Variants in FBRSL1 observed in about 807,000 individuals in gnomAD.
The protein encoded by FBRSL1 is fibrosin-1-like protein.
Under a neutral mutation model 89.6 loss-of-function variants are expected in FBRSL1, and 51 were observed. That is an observed-to-expected ratio of 0.57 (90% CI 0.45 to 0.72). FBRSL1 has a LOEUF of 0.72. Ranked by LOEUF, FBRSL1 falls within the 30% of genes least tolerant of loss-of-function variation. The pLI is 0.00. For synonymous variants in FBRSL1, 779 were observed against 681.1 expected, an observed-to-expected ratio of 1.14 and a Z score of -2.24; for missense variants, 1,618 against 1,451.8, an observed-to-expected ratio of 1.11 and a Z score of -1.86.
intron 5 of FBRSL1, among the ~76,000 whole-genome samples, chr12:132,548,425 A>G (rs1167622719): frequency 6.6e-6 from 1 of 152,178 alleles, no homozygotes; most frequent in Non-Finnish European, 1.5e-5. Flanking sequence ...GGCAGAGCCC[A>G]GCCCCCACCC....
At chr12:132,533,759 A>G (rs11146917) in intron 4 of FBRSL1, among the ~76,000 whole-genome samples, 114,674 of 152,258 alleles carry the variant, frequency 0.75, 43,817 homozygotes, top group African/African-American at 0.9. Flanking sequence ...GCTCCATGCC[A>G]GGCACTGGGT....
At position 132,570,176 on chromosome 12, in the gene FBRSL1, G is replaced by A. The variant is rs1411069089; in HGVS notation, c.942G>A (p.Val314=). The change falls in exon 7 of 19, where the codon GTG becomes GTA. Residue 314 remains valine (V), a synonymous_variant. Coordinates refer to ENST00000680143, the MANE Select transcript of FBRSL1 (RefSeq NM_001367871.1). The part of the protein sequence containing the change: ...PQPRGLLPTH[V]PASLGAFAGH... ...CCCGCGGCCTGCTCCCGACACACGT[G>A]CCTGCATCCCTGGGCGCCTTCGCGG... 2 of 1,505,452 alleles carry A rather than the reference G, an allele frequency of 1.3e-6. No homozygotes were observed. The highest frequency in any genetic ancestry group is 2.1e-5 in the Admixed American group (1 of 46,696). 93.3% of individuals were successfully genotyped at this position (1,505,452 alleles called of 1,614,324 possible).
intron 5 of FBRSL1, chr12:132,560,311 G>A (rs1374910908): frequency 1.3e-5 from 2 of 152,040 alleles, no homozygotes; most frequent in African/African-American, 4.8e-5. Flanking sequence ...CCCCCCAGAA[G>A]AGCGGGACGC....
Position 132,574,545 on chromosome 12 carries a change from G to A in FBRSL1, c.1682G>A (p.Arg561His), listed in dbSNP as rs1000726587. Residue 561 changes from arginine (R) to histidine (H), a missense_variant, in exon 14 of 19, where the codon CGT (arginine) becomes CAT (histidine). Physicochemically the swap from Arg to His is conservative, Grantham distance 29. Coordinates refer to ENST00000680143, the MANE Select transcript of FBRSL1 (RefSeq NM_001367871.1). Reference sequence around the variant, plus strand: ...GTGCAGATCGCCTGGCAGATCTACCGTCACCAGCAGAAGATAAAGGTGAGA... The same window carrying A: ...GTGCAGATCGCCTGGCAGATCTACCATCACCAGCAGAAGATAAAGGTGAGA... ...VHVQIAWQIYRHQQKIKEMQL... is the reference protein window; with the variant it reads ...VHVQIAWQIYHHQQKIKEMQL... 2.4e-5 allele frequency: 37 copies of A among 1,549,960 alleles called. No individual in the cohort carries two copies. The highest frequency in any genetic ancestry group is 3.3e-4 in the Middle Eastern group (2 of 6,012).
intron 2 of FBRSL1, among the ~76,000 whole-genome samples, chr12:132,513,718 G>C (rs1566123134): frequency 6.6e-6 from 1 of 152,184 alleles, no homozygotes; most frequent in Non-Finnish European, 1.5e-5. Flanking sequence ...TTGTTGTTGG[G>C]GGAGGAGAAG....
chr12:132,576,649 C>T (rs2040401441), intron 14 of FBRSL1, 150 bp from the exon 15 acceptor site: 1 of 880,668 alleles, frequency 1.1e-6, no homozygotes. Flanking sequence ...TTCCGTCATC[C>T]TGAGTAGAGA....
At chr12:132,536,477 C>T (rs970456947) in intron 4 of FBRSL1, among the ~76,000 whole-genome samples, 2 of 147,592 alleles carry the variant, frequency 1.4e-5, no homozygotes, top group East Asian at 4.1e-4. Flanking sequence ...TGTGTGAATG[C>T]ACATGTACAT....
chr12:132,516,944 C>T (rs1448958403), intron 2 of FBRSL1, among the ~76,000 whole-genome samples: 2 of 152,222 alleles, frequency 1.3e-5, no homozygotes, highest in African/African-American at 4.8e-5. Flanking sequence ...TTTGTACTGT[C>T]TACATAGCTG....
At chr12:132,573,624 T>C (rs6560886) in intron 11 of FBRSL1, among the ~76,000 whole-genome samples, 130,772 of 152,178 alleles carry the variant, frequency 0.86, 56,446 homozygotes, top group East Asian at 0.97. Context: ...CTGGGCAGGG[T>C]GGTAGCCCAG....
chr12:132,517,374 C>T (rs1034721742), intron 2 of FBRSL1, among the ~76,000 whole-genome samples: 3 of 152,212 alleles, frequency 2.0e-5, no homozygotes, highest in Admixed American at 1.3e-4. Flanking sequence ...GCTAGCCGTT[C>T]CGGGGCGAGC....
intron 18 of FBRSL1, among the ~76,000 whole-genome samples, chr12:132,582,733 G>A (rs1389986387): frequency 1.3e-5 from 2 of 152,110 alleles, no homozygotes; most frequent in Non-Finnish European, 2.9e-5. Context: ...GTGGGGAGCC[G>A]AAGTCGCTGC....
rs569801208 is a variant in FBRSL1, at chr12:132,567,593, G to T, written c.691+67G>T. The T allele has an allele frequency of 2.0e-6, 3 of 1,469,250 alleles. No homozygotes were observed. The South Asian group carries it at 3.6e-5, about 18-fold the overall frequency. The allele number at this position is 1,469,250 out of a possible 1,614,324, so 91.0% of individuals were successfully genotyped here. ...GACACAATGCGCCCTGCGTCTTGGC[G>T]GCAGGACATCCCCCTGAAGTCAGGG... On this transcript the variant is annotated intron_variant, in intron 6 of 18. Coordinates refer to ENST00000680143, the MANE Select transcript of FBRSL1 (RefSeq NM_001367871.1).
intron 3 of FBRSL1, among the ~76,000 whole-genome samples, chr12:132,526,887 T>G (rs1169969645): frequency 1.3e-5 from 2 of 152,084 alleles, no homozygotes; most frequent in Admixed American, 6.5e-5. Context: ...GCCCTGGTGG[T>G]CTGAGTGTGT....
chr12:132,576,691 C>T, intron 14 of FBRSL1, 108 bp from the exon 15 acceptor site: 1 of 1,279,270 alleles, frequency 7.8e-7, no homozygotes, highest in Non-Finnish European at 1.1e-6. Context: ...CACCTGCTCC[C>T]CTTACTGGAC....
chr12:132,505,050 C>A (rs11610623), intron 1 of FBRSL1, among the ~76,000 whole-genome samples: 1 of 152,052 alleles, frequency 6.6e-6, no homozygotes, highest in African/African-American at 2.4e-5. Context: ...TGCTTAAACC[C>A]GGGATGCAGA....
At position 132,517,979 on chromosome 12, in the gene FBRSL1, C is replaced by G. The variant is rs77557742; in HGVS notation, c.490-7755C>G. ...AGCCCAGGCGGCAAATGTGGTGGAG[C>G]CAGGAGTCCAGTGGCCCCAACTCCA... On this transcript the variant is annotated intron_variant, in intron 2 of 18. Transcript: ENST00000680143. 0.013 allele frequency among the ~76,000 whole-genome samples: 1,948 copies of G among 152,188 alleles called. 61 individuals carry two copies. The East Asian group carries it at 0.15, about 11-fold the overall frequency.
chr12:132,564,176 C>T (rs1203042079), intron 5 of FBRSL1, among the ~76,000 whole-genome samples: 2 of 152,208 alleles, frequency 1.3e-5, no homozygotes, highest in South Asian at 2.1e-4. Context: ...TTGCTGGACA[C>T]GGGTGTCCCT....
chr12:132,508,545 G>A (rs1332501798), intron 2 of FBRSL1, among the ~76,000 whole-genome samples, 195 bp downstream of exon 2: 1 of 152,204 alleles, frequency 6.6e-6, no homozygotes, highest in Non-Finnish European at 1.5e-5. Flanking sequence ...GCTGGGTCAC[G>A]GAGGGGCCGT....
chr12:132,567,545 C>G lies in FBRSL1; in HGVS notation c.691+19C>G, dbSNP rs2039713808. On this transcript the variant is annotated intron_variant, in intron 6 of 18. Coordinates refer to ENST00000680143, the MANE Select transcript of FBRSL1 (RefSeq NM_001367871.1). ...GATAAAGGTAAGTGGGTCCCCTCGG[C>G]CCAGCTCCTGGGCCTCTGAAGAGAC... 6.4e-7 allele frequency: 1 copy of G among 1,550,432 alleles called. No homozygotes were observed. The highest frequency in any genetic ancestry group is 2.0e-5 in the Admixed American group (1 of 50,982).
Sources: gnomAD v4.1 joint callset for allele counts (sites outside exome capture counted in the v4.1 genomes callset) on GRCh38, gnomAD v4.1.1 for gene constraint, MANE v1.5 for transcripts, NCBI Gene and HGNC (gene_info 2026-07-23, HGNC 2026-07-21) for gene names.